The following AXIN1 variants were observed in gnomAD, a reference collection of about 807,000 sequenced individuals.
AXIN1 encodes the protein axin-1.
AXIN1 carries 30 observed loss-of-function variants against 76.4 expected under a neutral mutation model. The observed-to-expected ratio is 0.39, with a 90% CI of 0.29 to 0.53. The LOEUF is 0.53. Ranked by LOEUF, AXIN1 falls within the 20% of genes least tolerant of loss-of-function variation. The pLI is 0.66. For missense variants in AXIN1, 1,140 were observed against 1,198.8 expected, an observed-to-expected ratio of 0.95 and a Z score of 0.72; for synonymous variants, 545 against 501.4, an observed-to-expected ratio of 1.09 and a Z score of -1.16.
chr16:299,313 A>G, intron 5 of AXIN1: 1 of 871,344 alleles, frequency 1.1e-6, no homozygotes, highest in Non-Finnish European at 1.4e-6. Context: ...TCTGGTGTCA[A>G]TACAAAAGAA....
intron 5 of AXIN1, 118 bp from the exon 6 acceptor site, chr16:298,369 CG>C: frequency 4.3e-6 from 6 of 1,390,140 alleles, no homozygotes; most frequent in Non-Finnish European, 5.9e-6. Context: ...CCAGGGTGGC[CG>C]GGGGCCCCTC....
At chr16:301,188 G>A (rs568234739) in intron 5 of AXIN1, among the ~76,000 whole-genome samples, 17 of 151,672 alleles carry the variant, frequency 1.1e-4, no homozygotes, top group East Asian at 3.9e-4. Flanking sequence ...GGAGAATGGC[G>A]TGAACCCGGG....
intron 2 of AXIN1, among the ~76,000 whole-genome samples, chr16:344,134 G>T (rs958527441): frequency 6.6e-6 from 1 of 151,886 alleles, no homozygotes; most frequent in Non-Finnish European, 1.5e-5. Context: ...TAAAGACAAT[G>T]AACAAAAGGG....
At chr16:301,093 AC>A (rs1191493761) in intron 5 of AXIN1, among the ~76,000 whole-genome samples, 18 of 151,764 alleles carry the variant, frequency 1.2e-4, no homozygotes, top group Non-Finnish European at 1.5e-5. Flanking sequence ...ACATGGTGAA[AC>A]CCCGTCTCTA....
chr16:316,033 A>G (rs2053295155), intron 2 of AXIN1, among the ~76,000 whole-genome samples: 1 of 152,162 alleles, frequency 6.6e-6, no homozygotes, highest in South Asian at 2.1e-4. Flanking sequence ...AGCCTGGGCG[A>G]CAGAGTAAGA....
intron 4 of AXIN1, among the ~76,000 whole-genome samples, chr16:304,806 A>T (rs1468927595): frequency 6.6e-6 from 1 of 152,146 alleles, no homozygotes; most frequent in Non-Finnish European, 1.5e-5. Flanking sequence ...AAGTGCTGGG[A>T]TTACAGGTGT....
intron 4 of AXIN1, among the ~76,000 whole-genome samples, chr16:305,637 G>C (rs568568067): frequency 6.6e-6 from 1 of 152,016 alleles, no homozygotes; most frequent in Non-Finnish European, 1.5e-5. Flanking sequence ...TCCGCCTCCC[G>C]GGTTCACGCC....
intron 3 of AXIN1, among the ~76,000 whole-genome samples, chr16:311,575 T>C (rs1443361532): frequency 6.6e-6 from 1 of 151,080 alleles, no homozygotes; most frequent in Admixed American, 6.6e-5. Context: ...ATCGAGACCA[T>C]CCTGGCTAAC....
At chr16:288,800 G>C (rs1006546384) in intron 10 of AXIN1, among the ~76,000 whole-genome samples, 3 of 152,246 alleles carry the variant, frequency 2.0e-5, no homozygotes, top group Admixed American at 1.3e-4. Context: ...AACCTTGGTA[G>C]GAGGGGGCTT....
chr16:340,743 C>T (rs2053900133), intron 2 of AXIN1, among the ~76,000 whole-genome samples: 1 of 152,228 alleles, frequency 6.6e-6, no homozygotes, highest in African/African-American at 2.4e-5. Context: ...AACCTTGGCC[C>T]AGGAGCTCAA....
At chr16:350,037 G>T (rs977288093) in intron 1 of AXIN1, among the ~76,000 whole-genome samples, 1 of 152,096 alleles carries the variant, frequency 6.6e-6, no homozygotes, top group Admixed American at 6.6e-5. Context: ...CAATCCACCC[G>T]CCTCGGCCTC....
At chr16:308,263 C>G (rs2053080983) in intron 4 of AXIN1, among the ~76,000 whole-genome samples, 1 of 152,212 alleles carries the variant, frequency 6.6e-6, no homozygotes, top group Non-Finnish European at 1.5e-5. Context: ...ACACCAGGGA[C>G]TCGCCATAGG....
At chr16:330,381 A>G (rs2053670383) in intron 2 of AXIN1, among the ~76,000 whole-genome samples, 1 of 152,180 alleles carries the variant, frequency 6.6e-6, no homozygotes, top group African/African-American at 2.4e-5. Context: ...TCTTTCATAT[A>G]GAACTCTGAC....
chr16:350,351 G>A (rs922844610), intron 1 of AXIN1, among the ~76,000 whole-genome samples: 1 of 152,166 alleles, frequency 6.6e-6, no homozygotes. Flanking sequence ...ACTCAGTTCA[G>A]TATCAAATGC....
rs905966398 is a variant in AXIN1, at chr16:346,225, G to A, written c.801C>T (p.Leu267=). 1.9e-6 allele frequency: 3 copies of A among 1,614,034 alleles called. No homozygotes were observed. In the Admixed American group the frequency reaches 5.0e-5, roughly 27 times the overall value. Residue 267 remains leucine, a synonymous_variant, in exon 2 of 11, where the codon CTC becomes CTT. Coordinates refer to ENST00000262320, the MANE Select transcript of AXIN1 (RefSeq NM_003502.4). Reference sequence around the variant, plus strand: ...CTGTCTCCAGGAGCAGCTTCTGAGGGAGTCTTCCGGGGGGAGCAGCGTCTC... The same window carrying A: ...CTGTCTCCAGGAGCAGCTTCTGAGGAAGTCTTCCGGGGGGAGCAGCGTCTC... The part of the protein sequence containing the change: ...DGRDAAPPGR[L]PQKLLLETAA...
intron 2 of AXIN1, among the ~76,000 whole-genome samples, chr16:326,063 A>C (rs2053572929): frequency 6.6e-6 from 1 of 152,116 alleles, no homozygotes; most frequent in Non-Finnish European, 1.5e-5. Context: ...TATACTATAT[A>C]TATAACAAGG....
intron 10 of AXIN1, 184 bp from the exon 11 acceptor site, chr16:288,432 G>T: frequency 1.2e-6 from 1 of 861,662 alleles, no homozygotes; most frequent in Non-Finnish European, 1.8e-6. Flanking sequence ...ACATGTGGGT[G>T]AAGTGGGCAG....
At chr16:313,713 T>A (rs889454910) in intron 3 of AXIN1, among the ~76,000 whole-genome samples, 1 of 152,238 alleles carries the variant, frequency 6.6e-6, no homozygotes, top group Non-Finnish European at 1.5e-5. Flanking sequence ...CCCCACAGGC[T>A]GGCAGCCAGT....
intron 10 of AXIN1, 167 bp from the exon 11 acceptor site, chr16:288,415 A>C (rs921952828): frequency 2.0e-6 from 2 of 1,007,336 alleles, no homozygotes; most frequent in Non-Finnish European, 3.0e-6. Context: ...TGAACAGTGC[A>C]ATGACCACAT....
Sources: allele counts gnomAD v4.1 joint callset (sites outside exome capture counted in the v4.1 genomes callset), GRCh38; gene constraint gnomAD v4.1.1; transcripts MANE v1.5; gene names NCBI Gene and HGNC (gene_info 2026-07-23, HGNC 2026-07-21).